ATG13: variants seen among roughly 807,000 people sequenced by gnomAD.
ATG13 encodes the protein autophagy related 13.
Under a neutral mutation model 65.5 loss-of-function variants are expected in ATG13, and 23 were observed. The observed-to-expected ratio is 0.35, with a 90% CI of 0.25 to 0.50. The LOEUF (loss-of-function observed/expected upper bound fraction) is 0.50. Ranked by LOEUF, ATG13 falls within the 20% of genes least tolerant of loss-of-function variation. ATG13 has a pLI of 0.98. For missense variants in ATG13, 566 were observed against 677.0 expected (o/e 0.84, Z 1.82); for synonymous variants, 252 against 245.2 (o/e 1.03, Z -0.26).
At position 46,625,990 on chromosome 11, in the gene ATG13, C is replaced by T. The variant is rs1416991740; in HGVS notation, c.-69-4055C>T. On this transcript the variant is annotated intron_variant, in intron 1 of 18. Transcript: ENST00000683050. ...TGTTTGTTTGTTTTTGAGACGGAGT[C>T]TGTCGCCCAGGCTGGAGTACAGTGA... 2.6e-5 allele frequency among the ~76,000 whole-genome samples: 4 copies of T among 152,190 alleles called. No individual in the cohort carries two copies. The East Asian group carries it at 7.7e-4, about 29-fold the overall frequency.
rs1283600865 is a variant in ATG13, at chr11:46,657,611, C to T, written c.684C>T (p.Pro228=). 4 of 1,601,880 alleles carry T rather than the reference C, an allele frequency of 2.5e-6. No homozygotes were observed. Among genetic ancestry groups the T allele is most frequent in the African/African-American group, 2.7e-5 (2 of 74,526 alleles). ...ATCCCAGCTCCTCTCCCATGCACCC[C>T]TGCAATTACAGGTGAGGAATGTGAA... The part of the protein sequence containing the change: ...RPYPSSSPMH[P]CNYRTAGEDT... The change falls in exon 10 of 19, where the codon CCC becomes CCT. Residue 228 remains proline, a synonymous_variant. Transcript: ENST00000683050.
chr11:46,661,287 G>A (rs1248301760), intron 11 of ATG13, among the ~76,000 whole-genome samples: 2 of 152,134 alleles, frequency 1.3e-5, no homozygotes, highest in African/African-American at 4.8e-5. Flanking sequence ...GGAGGCCAGG[G>A]CAGGCAAATC....
intron 4 of ATG13, 79 bp downstream of exon 4, chr11:46,645,498 A>C (rs948995156): frequency 5.2e-6 from 6 of 1,159,826 alleles, no homozygotes; most frequent in Admixed American, 2.1e-5. Context: ...GTGCAATAAT[A>C]AGTAATACCA....
chr11:46,659,314 A>G lies in ATG13; in HGVS notation c.696-78A>G, dbSNP rs1310399163. The G allele has an allele frequency of 1.2e-5, 14 of 1,179,680 alleles. 1 individual carries two copies. Among genetic ancestry groups the G allele is most frequent in the Admixed American group, 7.1e-5 (4 of 56,504 alleles). The allele number at this position is 1,179,680 out of a possible 1,614,324, so 73.1% of individuals were successfully genotyped here. On this transcript the variant is annotated intron_variant, in intron 10 of 18. Transcript: ENST00000683050. ...CGTTCTTAGCACAGGTCCCATCTCT[A>G]TCTAATCACCTTTTATAGCCTTTCT...
At chr11:46,663,031 C>T (rs776530491) in intron 11 of ATG13, among the ~76,000 whole-genome samples, 1 of 151,922 alleles carries the variant, frequency 6.6e-6, no homozygotes, top group Admixed American at 6.6e-5. Flanking sequence ...TTTGGGAGGC[C>T]GAGGTGGGCG....
intron 1 of ATG13, 107 bp downstream of exon 1, chr11:46,617,997 G>C (rs527731103): frequency 2.5e-6 from 1 of 398,304 alleles, no homozygotes; most frequent in Non-Finnish European, 4.4e-6. Flanking sequence ...GAAGGGATTA[G>C]CCACGGTTCA....
intron 2 of ATG13, among the ~76,000 whole-genome samples, chr11:46,637,690 CA>C (rs2054458482): frequency 6.6e-6 from 1 of 152,176 alleles, no homozygotes; most frequent in South Asian, 2.1e-4. Context: ...AGAACAAGCG[CA>C]GGCTATTCAG....
In ATG13 at chr11:46,668,920, C is replaced by A; in HGVS notation, c.1446+10C>A. On this transcript the variant is annotated intron_variant, in intron 17 of 18. Transcript: ENST00000683050. ...TGTTATGATAGACTTTGTAAGTCGC[C>A]GTCACCTTCCTTGACCTTTGCTGTC... 6.3e-7 allele frequency: 1 copy of A among 1,598,312 alleles called. No individual in the cohort carries two copies. Among genetic ancestry groups the A allele is most frequent in the South Asian group, 1.1e-5 (1 of 90,708 alleles).
chr11:46,652,236 A>G (rs945422396), intron 7 of ATG13, among the ~76,000 whole-genome samples: 3 of 152,022 alleles, frequency 2.0e-5, no homozygotes, highest in Non-Finnish European at 4.4e-5. Context: ...TGACAGGGCT[A>G]TACTGTATCT....
At chr11:46,649,005 T>C in intron 5 of ATG13, 132 bp from the exon 6 acceptor site, 1 of 680,278 alleles carries the variant, frequency 1.5e-6, no homozygotes, top group Non-Finnish European at 2.3e-6. Context: ...GAGAAGAGGC[T>C]TGTTCGATTA....
At chr11:46,630,798 C>T (rs2051425694) in intron 2 of ATG13, 1 of 152,084 alleles carries the variant, frequency 6.6e-6, no homozygotes, top group Admixed American at 6.6e-5. Flanking sequence ...AACTCCTGGA[C>T]TCAAGTGATC....
chr11:46,653,797 C>A (rs1206325614), intron 7 of ATG13, among the ~76,000 whole-genome samples: 1 of 151,810 alleles, frequency 6.6e-6, no homozygotes, highest in Non-Finnish European at 1.5e-5. Flanking sequence ...TCTCGATCTC[C>A]TGACCTCATG....
At chr11:46,630,485 A>G (rs1376576763) in intron 2 of ATG13, among the ~76,000 whole-genome samples, 1 of 151,864 alleles carries the variant, frequency 6.6e-6, no homozygotes, top group Admixed American at 6.6e-5. Flanking sequence ...GTAAAAATCA[A>G]TTTACCTGAT....
chr11:46,671,593 T>C (rs2063742527), intron 18 of ATG13, among the ~76,000 whole-genome samples: 2 of 152,078 alleles, frequency 1.3e-5, no homozygotes, highest in Non-Finnish European at 2.9e-5. Flanking sequence ...AAAAATTAGC[T>C]GGGCTTGGTG....
Position 46,672,479 on chromosome 11 carries a change from A to C in ATG13, c.*147A>C. 2 of 1,523,422 alleles carry C rather than the reference A, an allele frequency of 1.3e-6. No individual in the cohort carries two copies. The highest frequency in any genetic ancestry group is 1.8e-6 in the Non-Finnish European group (2 of 1,137,022). 94.4% of individuals were successfully genotyped at this position (1,523,422 alleles called of 1,614,324 possible). On this transcript the variant is annotated 3_prime_UTR_variant, in exon 19 of 19. Transcript: ENST00000683050. ...CTCCCATGGGGACCCAGAAGTCCCTACTCTTGGACCTCCTGGAGACTCCGT... is the reference window on the plus strand; with the variant it reads ...CTCCCATGGGGACCCAGAAGTCCCTCCTCTTGGACCTCCTGGAGACTCCGT...
In ATG13 at chr11:46,622,121, ATATATATT is replaced by A. The variant is rs1472807567; in HGVS notation, c.-70+4235_-70+4242del. On this transcript the variant is annotated intron_variant, in intron 1 of 18. Coordinates refer to ENST00000683050, the MANE Select transcript of ATG13 (RefSeq NM_001346311.2). ...TATATATATATATATATATATATAT[ATATATATT>A]TATTTTAGAGATGGTATTTGCCCTG... Among the ~76,000 whole-genome samples the A allele has an allele frequency of 5.3e-4, 43 of 81,356 alleles. 2 individuals carry two copies. In the East Asian group the frequency reaches 0.01, roughly 19 times the overall value. 53.4% of individuals were successfully genotyped at this position (81,356 alleles called of 152,430 possible).
rs552536703 is a variant in ATG13 at position 46,663,987 on chromosome 11, C to G, written c.790-10C>G. 31 of 1,130,260 alleles carry G rather than the reference C, an allele frequency of 2.7e-5. No individual in the cohort carries two copies. The highest frequency in any genetic ancestry group is 3.6e-5 in the Non-Finnish European group (29 of 807,738). 70.0% of individuals were successfully genotyped at this position (1,130,260 alleles called of 1,614,324 possible). On this transcript the variant is annotated splice_polypyrimidine_tract_variant and intron_variant, in intron 11 of 18. Coordinates refer to ENST00000683050, the MANE Select transcript of ATG13 (RefSeq NM_001346311.2). ...TTGTTTCTCCTGTCTCTGTGTGTGT[C>G]TGTGCACAGTGTGTGTTTACTGTCA...
intron 2 of ATG13, among the ~76,000 whole-genome samples, chr11:46,637,916 T>C (rs1720943062): frequency 6.6e-6 from 1 of 152,216 alleles, no homozygotes; most frequent in Non-Finnish European, 1.5e-5. Flanking sequence ...CAGTTGGTCC[T>C]AAGTTGGAGG....
chr11:46,628,766 AT>A (rs757572329), intron 1 of ATG13, among the ~76,000 whole-genome samples: 10 of 152,294 alleles, frequency 6.6e-5, no homozygotes, highest in Non-Finnish European at 1.3e-4. Context: ...TTGAGGTGTA[AT>A]TGACATAAAT....
Sources: gnomAD v4.1 joint callset for allele counts (sites outside exome capture counted in the v4.1 genomes callset) on GRCh38, gnomAD v4.1.1 for gene constraint, MANE v1.5 for transcripts, NCBI Gene and HGNC (gene_info 2026-07-23, HGNC 2026-07-21) for gene names.